Variants in MINK1 observed in about 807,000 individuals in gnomAD.
MINK1 encodes the protein misshapen-like kinase 1.
In MINK1, 46 loss-of-function variants were observed where a neutral mutation model predicts 178.4. The observed-to-expected ratio is 0.26, with a 90% CI of 0.20 to 0.33. The LOEUF (loss-of-function observed/expected upper bound fraction) is 0.33, where lower values mean the gene tolerates loss of function less well. MINK1 is among the 10% of genes least tolerant of loss of function. MINK1 has a pLI of 1.00. For missense variants in MINK1, 1,366 were observed against 1,814.9 expected, an observed-to-expected ratio of 0.75 and a Z score of 4.49; for synonymous variants, 797 against 709.7, an observed-to-expected ratio of 1.12 and a Z score of -1.96.
chr17:4,839,209 C>A (rs1909800592), intron 1 of MINK1, among the ~76,000 whole-genome samples: 1 of 152,204 alleles, frequency 6.6e-6, no homozygotes, highest in East Asian at 1.9e-4. Flanking sequence ...TCCCAAAGTG[C>A]TGGGATTACA....
chr17:4,893,896 C>A, intron 21 of MINK1, 92 bp from the exon 22 acceptor site: 1 of 1,123,498 alleles, frequency 8.9e-7, no homozygotes, highest in Non-Finnish European at 1.3e-6. Context: ...TGAATAGAGA[C>A]AAAAGCCTGG....
intron 1 of MINK1, among the ~76,000 whole-genome samples, chr17:4,875,894 CAA>C (rs1182885853): frequency 6.6e-6 from 1 of 150,844 alleles, no homozygotes; most frequent in African/African-American, 2.4e-5. Flanking sequence ...CTCCTGGGTT[CAA>C]GTAATTCTCC....
At position 4,896,526 on chromosome 17, in the gene MINK1, A is replaced by C; in HGVS notation, c.3713A>C (p.Asn1238Thr). The C allele has an allele frequency of 6.2e-7, 1 of 1,613,946 alleles. No individual in the cohort carries two copies. Among genetic ancestry groups the C allele is most frequent in the Non-Finnish European group, 8.5e-7 (1 of 1,179,854 alleles). The change falls in exon 30 of 32, where the codon AAC becomes ACC. Residue 1238 changes from asparagine (N) to threonine (T), a missense_variant. Physicochemically the swap from Asn to Thr is moderately conservative, Grantham distance 65. This residue lies in a region of MINK1 where 201 missense variants were observed against 240.7 expected (regional missense o/e 0.84). Transcript: ENST00000355280. The surrounding 1 kb of genome is among the most constrained non-coding windows in gnomAD (Gnocchi z 4.6). The stretch of plus-strand genomic sequence containing the variant: ...TACGAGGACGAGGGTGTCTACGTCA[A>C]CACGTACGGGCGCATCATTAAGGAT... ...LCYEDEGVYVNTYGRIIKDVV... is the reference protein window; with the variant it reads ...LCYEDEGVYVTTYGRIIKDVV...
chr17:4,894,615 G>A lies in MINK1; in HGVS notation c.2899G>A (p.Asp967Asn), dbSNP rs79940062. The change falls in exon 24 of 32, where the codon GAC becomes AAC. Residue 967 changes from aspartate (D) to asparagine (N), a missense_variant. By Grantham distance (23) the Asp-to-Asn change is conservative. Transcript: ENST00000355280. This position sits in a 1 kb window ranked among gnomAD's most constrained non-coding sequence, Gnocchi z 4.1. The stretch of plus-strand genomic sequence containing the variant: ...GATCTACCAGCCTGGAGGCAGTGGG[G>A]ACAGCATCCCCATCACAGGTGAGGA... Reference protein sequence around the residue: ...LGIYQPGGSGDSIPITALVGG... With the variant: ...LGIYQPGGSGNSIPITALVGG... 31,429 of 1,605,552 alleles carry A rather than the reference G, an allele frequency of 0.02. 375 individuals carry two copies. The highest frequency in any genetic ancestry group is 0.024 in the Non-Finnish European group (27,848 of 1,175,844).
chr17:4,891,156 G>A (rs1279004641), intron 15 of MINK1, 32 bp downstream of exon 15: 4 of 1,475,768 alleles, frequency 2.7e-6, no homozygotes, highest in East Asian at 2.5e-5. Flanking sequence ...TCTTAATGAA[G>A]ACACAGGGAG....
chr17:4,846,255 G>T (rs1431465060), intron 1 of MINK1, among the ~76,000 whole-genome samples: 3 of 152,242 alleles, frequency 2.0e-5, no homozygotes, highest in African/African-American at 2.4e-5. Flanking sequence ...TCACAATAGT[G>T]TCAGATTGGA....
chr17:4,834,926 A>G (rs1465624990), intron 1 of MINK1: 2 of 498,264 alleles, frequency 4.0e-6, no homozygotes, highest in African/African-American at 3.9e-5. Flanking sequence ...GAGCAGAGTC[A>G]TGTTGTTAAT....
At chr17:4,834,851 T>A (rs774248183) in intron 1 of MINK1, 4 of 519,758 alleles carry the variant, frequency 7.7e-6, no homozygotes, top group Admixed American at 3.9e-5. Context: ...TGGCCAGTAG[T>A]GGGAAAAGGC....
rs1325198170 is a variant in MINK1, at chr17:4,870,085, T to G, written c.58-8232T>G. On this transcript the variant is annotated intron_variant, in intron 1 of 31. Transcript: ENST00000355280. ...ATCATGCCCAGCTAACTTTTTTTTT[T>G]TATTTTGTAGTAGAGACGGGGTTTC... Among the ~76,000 whole-genome samples the G allele has an allele frequency of 6.6e-5, 10 of 151,872 alleles. No individual in the cohort carries two copies. In the East Asian group the frequency reaches 9.7e-4, roughly 15 times the overall value.
chr17:4,833,823 T>G lies in MINK1; in HGVS notation c.57+183T>G, dbSNP rs1051669739. On this transcript the variant is annotated intron_variant, in intron 1 of 31. Transcript: ENST00000355280. The surrounding 1 kb of genome is among the most constrained non-coding windows in gnomAD (Gnocchi z 4.8). ...GGCCCCCGCCCTCTGCTCCCTTCTC[T>G]CTCCACTGGCTGCAGATGCTGGGAG... Among the ~76,000 whole-genome samples the G allele has an allele frequency of 3.3e-5, 5 of 152,006 alleles. No individual in the cohort carries two copies. The highest frequency in any genetic ancestry group is 1.2e-4 in the African/African-American group (5 of 41,392).
intron 1 of MINK1, among the ~76,000 whole-genome samples, chr17:4,844,820 CT>C (rs1220275109): frequency 1.3e-5 from 2 of 152,150 alleles, no homozygotes. Flanking sequence ...TCCCCCCACC[CT>C]TTAAAAATGT....
chr17:4,870,012 A>C (rs1197085035), intron 1 of MINK1, among the ~76,000 whole-genome samples: 2 of 150,146 alleles, frequency 1.3e-5, no homozygotes, highest in African/African-American at 4.9e-5. Context: ...GGTTCACGCC[A>C]TTCTCCTGCC....
rs1406837641 is a variant in MINK1 at position 4,886,320 on chromosome 17, C to T, written c.773+122C>T. 12 of 1,491,308 alleles carry T rather than the reference C, an allele frequency of 8.0e-6. No homozygotes were observed. In the Admixed American group the frequency reaches 8.5e-5, roughly 11 times the overall value. 92.4% of individuals were successfully genotyped at this position (1,491,308 alleles called of 1,614,324 possible). A position where few individuals can be genotyped will look rare whatever the true frequency, so the allele number is the denominator to read the frequency against. On this transcript the variant is annotated intron_variant, in intron 9 of 31. Transcript: ENST00000355280. The surrounding 1 kb of genome is among the most constrained non-coding windows in gnomAD (Gnocchi z 6.1). ...AGAAGAGATTCTGGGGGGCAGAGGGCGGTGACTGGTGTTGGGATATGAAGA... is the reference window on the plus strand; with the variant it reads ...AGAAGAGATTCTGGGGGGCAGAGGGTGGTGACTGGTGTTGGGATATGAAGA...
chr17:4,894,236 C>T lies in MINK1; in HGVS notation c.2733C>T (p.Asp911=), dbSNP rs201847306. 698 of 1,613,278 alleles carry T rather than the reference C, an allele frequency of 4.3e-4. 2 individuals are homozygous for T. In the African/African-American group the frequency reaches 8.2e-3, roughly 19 times the overall value. The change falls in exon 23 of 32, where the codon GAC becomes GAT. Residue 911 remains aspartate, a synonymous_variant. Coordinates refer to ENST00000355280, the MANE Select transcript of MINK1 (RefSeq NM_153827.5). The surrounding 1 kb of genome is among the most constrained non-coding windows in gnomAD (Gnocchi z 4.1). ...ADSNGYTNLP[D]VVQPSHSPTE... ...GCAATGGGTACACAAACCTGCCTGA[C>T]GTGGTCCAGCCCAGCCACTCACCCA...
At chr17:4,860,234 T>C (rs1913948623) in intron 1 of MINK1, among the ~76,000 whole-genome samples, 4 of 152,174 alleles carry the variant, frequency 2.6e-5, no homozygotes, top group South Asian at 2.1e-4. Context: ...CTTGCCTCCT[T>C]CTGCTCATTC....
intron 1 of MINK1, among the ~76,000 whole-genome samples, chr17:4,867,559 G>A (rs769143086): frequency 2.0e-5 from 3 of 152,090 alleles, no homozygotes; most frequent in Admixed American, 2.0e-4. Context: ...CAGCACTTTG[G>A]GGGGCTAAGG....
intron 1 of MINK1, among the ~76,000 whole-genome samples, chr17:4,835,957 T>G (rs1464256110): frequency 6.6e-6 from 1 of 152,140 alleles, no homozygotes; most frequent in Non-Finnish European, 1.5e-5. Flanking sequence ...CTTCCCCCTT[T>G]CCACCCTAAA....
intron 12 of MINK1, among the ~76,000 whole-genome samples, chr17:4,888,575 T>C (rs1479252938): frequency 6.6e-6 from 1 of 151,302 alleles, no homozygotes; most frequent in Non-Finnish European, 1.5e-5. Flanking sequence ...GAGGTGGAAG[T>C]TGTAGTGAGC....
chr17:4,854,747 A>G, intron 1 of MINK1: 1 of 493,368 alleles, frequency 2.0e-6, no homozygotes, highest in Non-Finnish European at 4.1e-6. Flanking sequence ...ACACTTCAAA[A>G]CACAGGTAGC....
Sources: gnomAD v4.1 joint callset for allele counts (sites outside exome capture counted in the v4.1 genomes callset) on GRCh38, gnomAD v4.1.1 for gene constraint, gnomAD v4.1.1 regional missense constraint, Gnocchi (gnomAD v3.1) non-coding constraint, MANE v1.5 for transcripts, NCBI Gene and HGNC (gene_info 2026-07-23, HGNC 2026-07-21) for gene names.